The following SHOC1 variants were observed in gnomAD, a reference collection of about 807,000 sequenced individuals.
The protein encoded by SHOC1 is shortage in chiasmata 1.
Under a neutral mutation model 179.2 loss-of-function variants are expected in SHOC1, and 136 were observed. The ratio of observed to expected loss-of-function variants is 0.76; its 90% CI spans 0.66 to 0.87. The LOEUF (loss-of-function observed/expected upper bound fraction) is 0.87. SHOC1 is among the 40% of genes least tolerant of loss of function. SHOC1 has a pLI of 0.00. For synonymous variants in SHOC1, 489 were observed against 586.6 expected (o/e 0.83, Z 2.41); for missense variants, 1,538 against 1,700.8 (o/e 0.90, Z 1.68).
intron 5 of SHOC1, among the ~76,000 whole-genome samples, chr9:111,764,691 A>C (rs1249699542): frequency 6.6e-6 from 1 of 152,208 alleles, no homozygotes; most frequent in Non-Finnish European, 1.5e-5. Flanking sequence ...AAAACTAAAA[A>C]CATCAGGAAA....
At chr9:111,757,456 G>C (rs1348443768) in intron 7 of SHOC1, among the ~76,000 whole-genome samples, 10 of 152,168 alleles carry the variant, frequency 6.6e-5, no homozygotes, top group Admixed American at 5.9e-4. Flanking sequence ...TATGGGCCTA[G>C]ATTTCTGAGC....
chr9:111,780,411 T>C (rs999702511), intron 4 of SHOC1, among the ~76,000 whole-genome samples: 2 of 152,226 alleles, frequency 1.3e-5, no homozygotes, highest in Non-Finnish European at 2.9e-5. Context: ...CATATTATGC[T>C]CTGGGTGCCT....
In SHOC1 at chr9:111,718,218, A is replaced by T; in HGVS notation, c.2202T>A (p.Asp734Glu). Residue 734 changes from aspartate (D) to glutamate (E), a missense_variant, in exon 16 of 28, where the codon GAT becomes GAA. Asp to Glu is a conservative substitution (Grantham distance 45). Transcript: ENST00000682961. ...TGTCCAAGCTGCATGTTAAAAGGAC[A>T]TCTCTAATTGTTACCAGAAGATGTA... Reference protein sequence around the residue: ...ALLHLLVTIRDVLLTCSLDTA... With the variant: ...ALLHLLVTIREVLLTCSLDTA... The T allele has an allele frequency of 1.2e-6, 2 of 1,600,270 alleles. No homozygotes were observed. The highest frequency in any genetic ancestry group is 1.7e-6 in the Non-Finnish European group (2 of 1,175,456).
At chr9:111,724,516 T>A (rs1833212342) in intron 13 of SHOC1, among the ~76,000 whole-genome samples, 5 of 151,972 alleles carry the variant, frequency 3.3e-5, no homozygotes, top group Admixed American at 2.6e-4. Context: ...ATTTATTTTT[T>A]AAATTTATTA....
rs760920708 is a variant in SHOC1, at chr9:111,775,841, G to A, written c.392C>T (p.Thr131Ile). ...ACATTTTTCTAAACAACTGACAGGG[G>A]TAAAGACTTCATTGTAGTCCATGTG... Reference protein sequence around the residue: ...YTHMDYNEVFTPVSCLEKCSA... With the variant: ...YTHMDYNEVFIPVSCLEKCSA... Residue 131 changes from threonine (T) to isoleucine (I), a missense_variant, in exon 5 of 28, where the codon ACC becomes ATC. Physicochemically the swap from Thr to Ile is moderately conservative, Grantham distance 89. Coordinates refer to ENST00000682961, the MANE Select transcript of SHOC1 (RefSeq NM_001378211.1). The A allele has an allele frequency of 5.6e-6, 9 of 1,613,252 alleles. No homozygotes were observed. Among genetic ancestry groups the A allele is most frequent in the Non-Finnish European group, 7.6e-6 (9 of 1,179,736 alleles).
chr9:111,741,210 T>C (rs7018709), intron 11 of SHOC1, among the ~76,000 whole-genome samples: 37,278 of 152,092 alleles, frequency 0.25, 4,933 homozygotes, highest in African/African-American at 0.33. Flanking sequence ...TGGGACAGTT[T>C]TATGTACTAC....
Position 111,741,500 on chromosome 9 carries a change from G to A in SHOC1, c.1150C>T (p.Pro384Ser). The change falls in exon 11 of 28, where the codon CCT becomes TCT. Residue 384 changes from proline (P) to serine (S), a missense_variant. Coordinates refer to ENST00000682961, the MANE Select transcript of SHOC1 (RefSeq NM_001378211.1). ...MMWQLERCRS[P>S]LNPFLLTVPR... Reference sequence around the variant, plus strand: ...CCTGTAAGCAAAAATGGGTTCAAAGGGCTTCTACATCTTTCTAATTGCCAC... The same window carrying A: ...CCTGTAAGCAAAAATGGGTTCAAAGAGCTTCTACATCTTTCTAATTGCCAC... 1 of 1,610,768 alleles carries A rather than the reference G, an allele frequency of 6.2e-7. No homozygotes were observed. Among genetic ancestry groups the A allele is most frequent in the East Asian group, 2.2e-5 (1 of 44,658 alleles).
At chr9:111,729,031 A>T (rs999660719) in intron 12 of SHOC1, among the ~76,000 whole-genome samples, 3 of 152,206 alleles carry the variant, frequency 2.0e-5, no homozygotes, top group African/African-American at 7.2e-5. Context: ...CTTTAATTTT[A>T]AAATACTTTA....
At chr9:111,763,751 A>C (rs1835237980) in intron 5 of SHOC1, among the ~76,000 whole-genome samples, 1 of 152,214 alleles carries the variant, frequency 6.6e-6, no homozygotes, top group African/African-American at 2.4e-5. Context: ...ACAAGAAAGA[A>C]GTGAACAGAA....
At position 111,723,789 on chromosome 9, in the gene SHOC1, T is replaced by C. The variant is rs1833174655; in HGVS notation, c.1954+3A>G. The stretch of plus-strand genomic sequence containing the variant: ...AAATGCATTTTAAAAGCATATAACA[T>C]ACCTGACGCTTGAATTTCAATGACA... On this transcript the variant is annotated splice_donor_region_variant and intron_variant, in intron 14 of 27. Transcript: ENST00000682961. 1 of 1,610,424 alleles carries C rather than the reference T, an allele frequency of 6.2e-7. No individual in the cohort carries two copies. The highest frequency in any genetic ancestry group is 8.5e-7 in the Non-Finnish European group (1 of 1,179,394).
At chr9:111,775,019 T>G (rs315700) in intron 5 of SHOC1, among the ~76,000 whole-genome samples, 122,244 of 151,700 alleles carry the variant, frequency 0.81, 49,429 homozygotes, top group East Asian at 0.92. Context: ...TTTTTGAGAT[T>G]CAGTCTTGCT....
chr9:111,755,894 G>A (rs745742421), intron 8 of SHOC1, among the ~76,000 whole-genome samples: 5 of 152,026 alleles, frequency 3.3e-5, no homozygotes, highest in Admixed American at 2.6e-4. Context: ...AGGCCGAGGC[G>A]GGCAGATCAC....
At chr9:111,704,095 G>A (rs1045237725) in intron 21 of SHOC1, 103 bp from the exon 22 acceptor site, 7 of 565,142 alleles carry the variant, frequency 1.2e-5, no homozygotes, top group Non-Finnish European at 1.8e-5. Flanking sequence ...GGATTTCTAT[G>A]CTTTTTCTTT....
intron 27 of SHOC1, among the ~76,000 whole-genome samples, chr9:111,688,005 A>T (rs1158991391): frequency 6.6e-6 from 1 of 152,214 alleles, no homozygotes; most frequent in African/African-American, 2.4e-5. Context: ...TTAAGTAAAC[A>T]ATTAGATGAA....
chr9:111,708,197 T>TA (rs199861781), intron 18 of SHOC1, among the ~76,000 whole-genome samples: 8,599 of 151,632 alleles, frequency 0.057, 619 homozygotes, highest in African/African-American at 0.17. Flanking sequence ...TGTTAATTTT[T>TA]ATTTTTTATT....
chr9:111,753,669 T>C (rs926783358), intron 8 of SHOC1, among the ~76,000 whole-genome samples: 10 of 152,146 alleles, frequency 6.6e-5, no homozygotes, highest in Admixed American at 5.2e-4. Flanking sequence ...TGCAAATCAA[T>C]AAATGTGATA....
In SHOC1 at chr9:111,707,860, T is replaced by TA. The variant is rs749033281; in HGVS notation, c.2552dup (p.Leu851PhefsTer12). The TA allele has an allele frequency of 1.3e-6, 2 of 1,580,868 alleles. No homozygotes were observed. Among genetic ancestry groups the TA allele is most frequent in the African/African-American group, 1.4e-5 (1 of 72,924 alleles). ...ATGAAGGAATGAATTTTTACCCCCT[T>TA]AAAACACCTTCAGATTCCAGAAAAT... On this transcript the variant is annotated frameshift_variant, in exon 19 of 28. Coordinates refer to ENST00000682961, the MANE Select transcript of SHOC1 (RefSeq NM_001378211.1). LOFTEE classifies it high-confidence loss of function.
rs545267215 is a variant in SHOC1 at position 111,741,135 on chromosome 9, A to AT, written c.1174+340dup. Among the ~76,000 whole-genome samples, 643 of 151,726 alleles carry AT rather than the reference A, an allele frequency of 4.2e-3. 3 individuals are homozygous for AT. The highest frequency in any genetic ancestry group is 6.2e-3 in the Non-Finnish European group (420 of 67,876). On this transcript the variant is annotated intron_variant, in intron 11 of 27. Coordinates refer to ENST00000682961, the MANE Select transcript of SHOC1 (RefSeq NM_001378211.1). ...ACTAAAACTTTTAACATTAGATGAG[A>AT]TTTTTTTTTATTTTTATTTTTTTTT...
rs1359978834 is a variant in SHOC1 at position 111,706,597 on chromosome 9, T to C, written c.2708A>G (p.Lys903Arg). Residue 903 changes from lysine to arginine, a missense_variant, in exon 20 of 28, where the codon AAA (lysine) becomes AGA (arginine). Transcript: ENST00000682961. ...KELNIPYMAF[K>R]VILPDTVLER... ...TAAAACTGTGTCTGGAAGAATCACT[T>C]TAAAGGCCATGTAAGGAATATTCAA... The C allele has an allele frequency of 6.3e-7, 1 of 1,586,964 alleles. No individual in the cohort carries two copies. Among genetic ancestry groups the C allele is most frequent in the Non-Finnish European group, 8.6e-7 (1 of 1,167,228 alleles).
Sources: allele counts gnomAD v4.1 joint callset (sites outside exome capture counted in the v4.1 genomes callset), GRCh38; gene constraint gnomAD v4.1.1; transcripts MANE v1.5; gene names NCBI Gene and HGNC (gene_info 2026-07-23, HGNC 2026-07-21).